Variants in PRR16 observed in about 807,000 individuals in gnomAD.
PRR16 encodes protein Largen.
A neutral mutation model predicts 18.2 loss-of-function variants in PRR16; 6 were observed. That is an observed-to-expected ratio of 0.33 (90% CI 0.18 to 0.65). PRR16 has a LOEUF of 0.65. Ranked by LOEUF, PRR16 falls within the 30% of genes least tolerant of loss-of-function variation. The pLI is 0.74. For missense variants in PRR16, 412 were observed against 376.6 expected (o/e 1.09, Z -0.78); for synonymous variants, 151 against 147.8 (o/e 1.02, Z -0.16).
At chr5:120,717,909 T>G in the PRR16 span, among the ~76,000 whole-genome samples, 7 of 152,316 alleles carry the variant, frequency 4.6e-5, no homozygotes, top group East Asian at 1.4e-3. Context: ...CTTTATACAT[T>G]TAACTGAGCC....
chr5:120,789,298 A>G, the PRR16 span, among the ~76,000 whole-genome samples: 3 of 152,096 alleles, frequency 2.0e-5, no homozygotes, highest in Non-Finnish European at 4.4e-5. Flanking sequence ...GTGGTGCTAA[A>G]CATGTCTGAT....
the PRR16 span, among the ~76,000 whole-genome samples, chr5:120,729,783 T>C: frequency 6.6e-6 from 1 of 152,230 alleles, no homozygotes; most frequent in Middle Eastern, 3.4e-3. Flanking sequence ...ACAAACAGCA[T>C]GGTTCCTGGG....
chr5:120,731,410 G>T, the PRR16 span, among the ~76,000 whole-genome samples: 1 of 152,102 alleles, frequency 6.6e-6, no homozygotes, highest in South Asian at 2.1e-4. Context: ...GCTGGATCTG[G>T]CTTGTACCAC....
chr5:120,689,998 C>T (rs749328973), downstream of PRR16, among the ~76,000 whole-genome samples: 67 of 152,040 alleles, frequency 4.4e-4, no homozygotes, highest in Non-Finnish European at 9.1e-4. Flanking sequence ...TCTGATTTGA[C>T]GTTATTATAT....
At chr5:120,522,502 C>T (rs527419030) in intron 1 of PRR16, among the ~76,000 whole-genome samples, 1 of 152,282 alleles carries the variant, frequency 6.6e-6, no homozygotes, top group African/African-American at 2.4e-5. Flanking sequence ...ATCCTTCGCC[C>T]ACTTTTTGAT....
chr5:120,720,422 A>G, the PRR16 span, among the ~76,000 whole-genome samples: 2 of 152,170 alleles, frequency 1.3e-5, no homozygotes, highest in Admixed American at 6.6e-5. Flanking sequence ...CATATAAAAA[A>G]GTGAAGTCCT....
intron 1 of PRR16, among the ~76,000 whole-genome samples, chr5:120,504,532 C>A (rs956334501): frequency 5.3e-5 from 8 of 152,122 alleles, no homozygotes; most frequent in African/African-American, 1.9e-4. Flanking sequence ...GATGACATGT[C>A]TTTGAGAAGT....
intron 1 of PRR16, among the ~76,000 whole-genome samples, chr5:120,598,180 T>C (rs1237442172): frequency 6.6e-6 from 1 of 151,950 alleles, no homozygotes; most frequent in Non-Finnish European, 1.5e-5. Flanking sequence ...TATTTGGAAC[T>C]ACTGGATTGA....
At chr5:120,653,044 GTA>G (rs1241515808) in intron 1 of PRR16, among the ~76,000 whole-genome samples, 1 of 151,962 alleles carries the variant, frequency 6.6e-6, no homozygotes, top group Non-Finnish European at 1.5e-5. Flanking sequence ...ATAAGAGTGT[GTA>G]TGAGATATTA....
At position 120,483,938 on chromosome 5, in the gene PRR16, G is replaced by A. The variant is rs146180962; in HGVS notation, c.159+19293G>A. The stretch of plus-strand genomic sequence containing the variant: ...TTCAGTTCCAACTTGGCCTTAATTG[G>A]CACAGAACATTAACAATCTTAATTT... On this transcript the variant is annotated intron_variant, in intron 1 of 1. Transcript: ENST00000407149. 3.7e-4 allele frequency among the ~76,000 whole-genome samples: 56 copies of A among 151,932 alleles called. No individual in the cohort carries two copies. The East Asian group carries it at 9.8e-3, about 27-fold the overall frequency.
intron 1 of PRR16, among the ~76,000 whole-genome samples, chr5:120,507,865 A>G (rs924352445): frequency 6.6e-6 from 1 of 152,052 alleles, no homozygotes; most frequent in Admixed American, 6.6e-5. Flanking sequence ...TCAAAACCAT[A>G]TTCTATTGGG....
chr5:120,698,586 GA>G, the PRR16 span, among the ~76,000 whole-genome samples: 1 of 150,894 alleles, frequency 6.6e-6, no homozygotes, highest in Admixed American at 6.6e-5. Context: ...AGATAGTAGG[GA>G]TGACAAGTTT....
At chr5:120,604,455 T>C (rs1754087204) in intron 1 of PRR16, among the ~76,000 whole-genome samples, 1 of 152,146 alleles carries the variant, frequency 6.6e-6, no homozygotes, top group Non-Finnish European at 1.5e-5. Context: ...GCAGATGATA[T>C]GGGTCTATTG....
intron 1 of PRR16, among the ~76,000 whole-genome samples, chr5:120,532,199 A>G (rs1751573265): frequency 6.6e-6 from 1 of 152,172 alleles, no homozygotes; most frequent in Admixed American, 6.5e-5. Context: ...TTACACAGAA[A>G]TATGCTTATC....
the PRR16 span, among the ~76,000 whole-genome samples, chr5:120,742,481 T>G: frequency 2.2e-4 from 33 of 151,172 alleles, no homozygotes; most frequent in African/African-American, 7.5e-4. Flanking sequence ...GATCTCTGAA[T>G]TTTTTAATTT....
chr5:120,702,878 T>C, the PRR16 span, among the ~76,000 whole-genome samples: 2 of 152,168 alleles, frequency 1.3e-5, no homozygotes, highest in African/African-American at 4.8e-5. Context: ...TGTAGGTGGA[T>C]CTTTCTCAGG....
At chr5:120,579,334 T>A (rs1753185958) in intron 1 of PRR16, among the ~76,000 whole-genome samples, 1 of 152,198 alleles carries the variant, frequency 6.6e-6, no homozygotes, top group Admixed American at 6.5e-5. Context: ...CCCATGCCTA[T>A]GTCCTAAATG....
At position 120,686,090 on chromosome 5, in the gene PRR16, C is replaced by T. The variant is rs1181922234; in HGVS notation, c.296C>T (p.Ala99Val). 3 of 1,614,116 alleles carry T rather than the reference C, an allele frequency of 1.9e-6. No homozygotes were observed. The East Asian group carries it at 6.7e-5, about 36-fold the overall frequency. Residue 99 changes from alanine (A) to valine (V), a missense_variant, in exon 2 of 2, where the codon GCT becomes GTT. By Grantham distance (64) the Ala-to-Val change is moderately conservative. Transcript: ENST00000407149. ...AGCCTAGAGAAGATCAAAGTGCAGG[C>T]TAATGCACCGCTTATTAAACCCCCA... ...ASSLEKIKVQ[A>V]NAPLIKPPAH...
At chr5:120,773,160 C>A in the PRR16 span, among the ~76,000 whole-genome samples, 1 of 151,988 alleles carries the variant, frequency 6.6e-6, no homozygotes, top group Non-Finnish European at 1.5e-5. Context: ...AGACTCTTAC[C>A]CAGTGTCAGT....
Sources: allele counts gnomAD v4.1 joint callset (sites outside exome capture counted in the v4.1 genomes callset), GRCh38; gene constraint gnomAD v4.1.1; transcripts MANE v1.5; gene names NCBI Gene and HGNC (gene_info 2026-07-23, HGNC 2026-07-21).